The following CCM2 variants were observed in gnomAD, a reference collection of about 807,000 sequenced individuals.
CCM2 encodes the protein cerebral cavernous malformations 2 protein.
Under a neutral mutation model 44.9 loss-of-function variants are expected in CCM2, and 25 were observed. The observed-to-expected ratio is 0.56, with a 90% CI of 0.41 to 0.78. The LOEUF (loss-of-function observed/expected upper bound fraction) is 0.78. Ranked by LOEUF, CCM2 falls within the 30% of genes least tolerant of loss-of-function variation. The pLI is 0.00. For synonymous variants in CCM2, 219 were observed against 241.1 expected, an observed-to-expected ratio of 0.91 and a Z score of 0.85; for missense variants, 481 against 580.6, an observed-to-expected ratio of 0.83 and a Z score of 1.76.
rs998496478 is a variant in CCM2, at chr7:45,021,123, C to T, written c.31-17130C>T. Reference sequence around the variant, plus strand: ...GCTGTTGCACCAAAGCCAGGTGTGGCGACATGCCTGTAGTCCCAGCCTACT... The same window carrying T: ...GCTGTTGCACCAAAGCCAGGTGTGGTGACATGCCTGTAGTCCCAGCCTACT... On this transcript the variant is annotated intron_variant, in intron 1 of 9. Coordinates refer to ENST00000258781, the MANE Select transcript of CCM2 (RefSeq NM_031443.4). Among the ~76,000 whole-genome samples the T allele has an allele frequency of 1.6e-4, 25 of 152,004 alleles. 1 individual carries two copies. The highest frequency in any genetic ancestry group is 5.8e-4 in the African/African-American group (24 of 41,378).
At chr7:45,062,690 G>A (rs1168448937) in intron 2 of CCM2, among the ~76,000 whole-genome samples, 1 of 152,088 alleles carries the variant, frequency 6.6e-6, no homozygotes, top group Non-Finnish European at 1.5e-5. Flanking sequence ...GCCAGGCGTG[G>A]TGACACACAC....
chr7:45,020,098 T>G (rs1366250556), intron 1 of CCM2, among the ~76,000 whole-genome samples: 3 of 151,080 alleles, frequency 2.0e-5, no homozygotes, highest in African/African-American at 7.4e-5. Context: ...GCCAATAAAA[T>G]TGCAGCTTTT....
At chr7:45,073,075 C>A in intron 7 of CCM2, 1 of 592,416 alleles carries the variant, frequency 1.7e-6, no homozygotes, top group South Asian at 2.0e-5. Context: ...CTGCCCGAGC[C>A]TGCCGAGGCG....
At chr7:45,008,347 G>T (rs1456887710) in intron 1 of CCM2, among the ~76,000 whole-genome samples, 2 of 147,272 alleles carry the variant, frequency 1.4e-5, no homozygotes, top group African/African-American at 5.0e-5. Context: ...CTGGCCAAGG[G>T]TACATGTTCT....
chr7:45,055,517 T>C (rs1488051624), intron 2 of CCM2, among the ~76,000 whole-genome samples: 1 of 151,988 alleles, frequency 6.6e-6, no homozygotes, highest in Non-Finnish European at 1.5e-5. Flanking sequence ...TGAAACCCCG[T>C]CTCTACTAAA....
At chr7:45,033,457 A>G (rs1163508837) in intron 1 of CCM2, among the ~76,000 whole-genome samples, 1 of 152,204 alleles carries the variant, frequency 6.6e-6, no homozygotes, top group Non-Finnish European at 1.5e-5. Flanking sequence ...TAGGTAGATT[A>G]GTAACTAGTT....
chr7:45,067,530 C>A (rs1321582963), intron 4 of CCM2: 1 of 152,174 alleles, frequency 6.6e-6, no homozygotes, highest in Admixed American at 6.5e-5. Flanking sequence ...AGTATATAAT[C>A]AATATAAAAA....
intron 1 of CCM2, among the ~76,000 whole-genome samples, chr7:45,033,269 C>T (rs1021829609): frequency 6.6e-6 from 1 of 152,096 alleles, no homozygotes; most frequent in African/African-American, 2.4e-5. Flanking sequence ...CAGAGTCCTT[C>T]CCAGTGCAGA....
At chr7:45,015,504 G>A (rs181487711) in intron 1 of CCM2, among the ~76,000 whole-genome samples, 1 of 152,266 alleles carries the variant, frequency 6.6e-6, no homozygotes, top group Admixed American at 6.5e-5. Context: ...GAAAGGGAGG[G>A]GGAGGTGAGG....
chr7:45,039,209 C>T (rs998361991), intron 2 of CCM2, among the ~76,000 whole-genome samples: 4 of 152,154 alleles, frequency 2.6e-5, no homozygotes, highest in African/African-American at 9.7e-5. Flanking sequence ...GGGCTTTGGA[C>T]GTGCAGAAAC....
chr7:45,074,418 C>T lies in CCM2; in HGVS notation c.1054+10C>T. The T allele has an allele frequency of 6.2e-7, 1 of 1,610,454 alleles. No individual in the cohort carries two copies. Among genetic ancestry groups the T allele is most frequent in the Non-Finnish European group, 8.5e-7 (1 of 1,177,952 alleles). ...AAGTTCCTGCTGCTTGGTGAGTGGG[C>T]CCTGGAAAGAGGGTGGCTTGTCCAA... On this transcript the variant is annotated intron_variant, in intron 9 of 9. Transcript: ENST00000258781.
At chr7:45,006,478 G>C (rs1053210282) in intron 1 of CCM2, among the ~76,000 whole-genome samples, 1 of 152,090 alleles carries the variant, frequency 6.6e-6, no homozygotes. Flanking sequence ...TGAGTAGCTA[G>C]GACTACAGGT....
chr7:45,037,362 T>G (rs529173332), intron 1 of CCM2, among the ~76,000 whole-genome samples: 1 of 150,964 alleles, frequency 6.6e-6, no homozygotes, highest in Non-Finnish European at 1.5e-5. Context: ...CTGGATAGGG[T>G]GTGAAGTCAT....
chr7:45,025,218 A>T (rs964180571), intron 1 of CCM2, among the ~76,000 whole-genome samples: 1 of 152,228 alleles, frequency 6.6e-6, no homozygotes, highest in African/African-American at 2.4e-5. Flanking sequence ...AATTCAAGGT[A>T]TAATAATTGA....
At chr7:45,070,652 T>G (rs1799023577) in intron 6 of CCM2, 2 of 285,298 alleles carry the variant, frequency 7.0e-6, no homozygotes, top group Non-Finnish European at 1.4e-5. Flanking sequence ...TTGAGGTGCA[T>G]AAAAAGCTGT....
At chr7:45,005,689 T>A (rs962750657) in intron 1 of CCM2, among the ~76,000 whole-genome samples, 10 of 152,254 alleles carry the variant, frequency 6.6e-5, no homozygotes. Flanking sequence ...TTGCCTATTA[T>A]GTGCTTAGCC....
At chr7:45,043,448 A>C (rs1164710859) in intron 2 of CCM2, among the ~76,000 whole-genome samples, 1 of 152,194 alleles carries the variant, frequency 6.6e-6, no homozygotes, top group Non-Finnish European at 1.5e-5. Context: ...GAGAATAAAC[A>C]ACAAAAAAAT....
At position 45,076,003 on chromosome 7, in the gene CCM2, C is replaced by T. The variant is rs1213817990; in HGVS notation, c.1281C>T (p.Asp427=). Residue 427 remains aspartate, a synonymous_variant, in exon 10 of 10, where the codon GAC becomes GAT. Coordinates refer to ENST00000258781, the MANE Select transcript of CCM2 (RefSeq NM_031443.4). ...ATGAGTGGGACCGCATGATCTCGGA[C>T]ATCAGCAGCGACATTGAGGCGCTGG... ...EGDEWDRMIS[D]ISSDIEALGC... 1 of 1,612,996 alleles carries T rather than the reference C, an allele frequency of 6.2e-7. No homozygotes were observed. The highest frequency in any genetic ancestry group is 1.3e-5 in the African/African-American group (1 of 74,924).
At chr7:45,058,989 C>A (rs564888968) in intron 2 of CCM2, among the ~76,000 whole-genome samples, 31 of 151,686 alleles carry the variant, frequency 2.0e-4, no homozygotes, top group African/African-American at 7.3e-4. Flanking sequence ...AGGTGATCCA[C>A]CTACCTTGGC....
Sources: gnomAD v4.1 joint callset for allele counts (sites outside exome capture counted in the v4.1 genomes callset) on GRCh38, gnomAD v4.1.1 for gene constraint, MANE v1.5 for transcripts, NCBI Gene and HGNC (gene_info 2026-07-23, HGNC 2026-07-21) for gene names.